Variants in FHOD3 observed in about 807,000 individuals in gnomAD.
The protein encoded by FHOD3 is FH1/FH2 domain-containing protein 3.
In FHOD3, 90 loss-of-function variants were observed where a neutral mutation model predicts 173.0. The ratio of observed to expected loss-of-function variants is 0.52; its 90% CI spans 0.44 to 0.62. FHOD3 has a LOEUF of 0.62. FHOD3 is among the 20% of genes least tolerant of loss of function. FHOD3 has a pLI of 0.00. For synonymous variants in FHOD3, 828 were observed against 823.0 expected, an observed-to-expected ratio of 1.01 and a Z score of -0.10; for missense variants, 1,945 against 2,034.7, an observed-to-expected ratio of 0.96 and a Z score of 0.85.
intron 15 of FHOD3, 54 bp downstream of exon 15, chr18:36,681,624 G>A (rs1164626344): frequency 3.2e-6 from 5 of 1,561,690 alleles, no homozygotes; most frequent in Non-Finnish European, 3.5e-6. Flanking sequence ...TTAAAGGCAT[G>A]TGACTTTACA....
intron 5 of FHOD3, among the ~76,000 whole-genome samples, chr18:36,518,586 A>G (rs921209594): frequency 6.6e-6 from 1 of 152,108 alleles, no homozygotes; most frequent in African/African-American, 2.4e-5. Flanking sequence ...GCTGAATGGA[A>G]CCTGCAGGTG....
At chr18:36,324,855 A>T (rs2044586610) in intron 1 of FHOD3, among the ~76,000 whole-genome samples, 1 of 152,226 alleles carries the variant, frequency 6.6e-6, no homozygotes, top group Admixed American at 6.5e-5. Context: ...ACCTTTGTAT[A>T]TATATGTGCC....
At chr18:36,427,810 G>A (rs57150908) in intron 3 of FHOD3, among the ~76,000 whole-genome samples, 5,505 of 152,268 alleles carry the variant, frequency 0.036, 344 homozygotes, top group African/African-American at 0.12. Flanking sequence ...ACAAAAATGT[G>A]ATACATGGGT....
chr18:36,622,335 T>TTC (rs2033779357), intron 9 of FHOD3, among the ~76,000 whole-genome samples: 2 of 152,230 alleles, frequency 1.3e-5, no homozygotes, highest in Non-Finnish European at 2.9e-5. Flanking sequence ...TCATGTTGAA[T>TTC]ATTTTTACTA....
chr18:36,675,346 C>CT (rs908480590), intron 14 of FHOD3, among the ~76,000 whole-genome samples: 43 of 148,166 alleles, frequency 2.9e-4, no homozygotes, highest in African/African-American at 4.7e-4. Flanking sequence ...CAGTTGGCAT[C>CT]TTTTTTTTTT....
chr18:36,688,862 T>G (rs2038789037), intron 16 of FHOD3, among the ~76,000 whole-genome samples: 1 of 152,228 alleles, frequency 6.6e-6, no homozygotes. Flanking sequence ...ACTGCTCTTT[T>G]TTGTCCAAAC....
chr18:36,380,730 G>A (rs2047737958), intron 3 of FHOD3, among the ~76,000 whole-genome samples: 1 of 151,140 alleles, frequency 6.6e-6, no homozygotes, highest in Admixed American at 6.6e-5. Context: ...TACTTCAAAA[G>A]TTGTAAAATG....
intron 5 of FHOD3, among the ~76,000 whole-genome samples, chr18:36,571,313 A>G (rs2058444167): frequency 6.6e-6 from 1 of 152,230 alleles, no homozygotes; most frequent in South Asian, 2.1e-4. Context: ...GGCAAAAAAT[A>G]CCATCCCAAA....
At chr18:36,489,742 A>T (rs1019138653) in intron 3 of FHOD3, among the ~76,000 whole-genome samples, 6 of 152,244 alleles carry the variant, frequency 3.9e-5, no homozygotes, top group African/African-American at 1.4e-4. Flanking sequence ...ATGTAATTCA[A>T]ATATTTCAAC....
At chr18:36,662,283 C>T (rs2036862669) in intron 14 of FHOD3, among the ~76,000 whole-genome samples, 1 of 152,150 alleles carries the variant, frequency 6.6e-6, no homozygotes, top group Non-Finnish European at 1.5e-5. Context: ...TGAAGGTACC[C>T]TAAGACAGTC....
intron 1 of FHOD3, among the ~76,000 whole-genome samples, chr18:36,301,973 C>G (rs1041018639): frequency 1.3e-5 from 2 of 152,162 alleles, no homozygotes; most frequent in Non-Finnish European, 2.9e-5. Flanking sequence ...GAGAACCATC[C>G]TAGAGGGACA....
chr18:36,769,343 G>T lies in FHOD3; in HGVS notation c.4703G>T (p.Arg1568Leu). The T allele has an allele frequency of 1.2e-6, 2 of 1,614,158 alleles. No individual in the cohort carries two copies. The highest frequency in any genetic ancestry group is 1.7e-6 in the Non-Finnish European group (2 of 1,180,038). ...TDDAADEIMD[R>L]IVKSATQVPS... ...GATGCAGCTGATGAGATCATGGACC[G>T]CATCGTCAAGTCAGCCACCCAAGTG... The change falls in exon 28 of 29, where the codon CGC (arginine) becomes CTC (leucine). Residue 1568 changes from arginine to leucine, a missense_variant. Transcript: ENST00000590592.
intron 1 of FHOD3, among the ~76,000 whole-genome samples, chr18:36,344,971 G>C (rs371983407): frequency 6.6e-5 from 10 of 152,296 alleles, no homozygotes; most frequent in South Asian, 6.2e-4. Flanking sequence ...CCACTAGGAA[G>C]TATTTGTCTG....
In FHOD3 at chr18:36,297,821, C is replaced by A; in HGVS notation, c.-15C>A. The A allele has an allele frequency of 6.7e-7, 1 of 1,502,444 alleles. No homozygotes were observed. Among genetic ancestry groups the A allele is most frequent in the South Asian group, 1.3e-5 (1 of 79,742 alleles). The allele number at this position is 1,502,444 out of a possible 1,614,324, so 93.1% of individuals were successfully genotyped here. ...GCTAACCCCGGGGCCCGCGCCCCCG[C>A]GGCAGGGATGCATCATGGCCACGCT... On this transcript the variant is annotated 5_prime_UTR_variant, in exon 1 of 29. Transcript: ENST00000590592.
chr18:36,550,221 T>C (rs2057589852), intron 5 of FHOD3, among the ~76,000 whole-genome samples: 1 of 143,124 alleles, frequency 7.0e-6, no homozygotes, highest in South Asian at 2.2e-4. Flanking sequence ...TGTATATATA[T>C]ATATATAGGC....
At chr18:36,493,074 A>G (rs550827341) in intron 3 of FHOD3, among the ~76,000 whole-genome samples, 4 of 152,226 alleles carry the variant, frequency 2.6e-5, no homozygotes, top group Admixed American at 2.6e-4. Context: ...CACCTGTTCA[A>G]TGAAGATGTT....
chr18:36,304,684 C>G (rs1039888158), intron 1 of FHOD3, among the ~76,000 whole-genome samples: 6 of 152,090 alleles, frequency 3.9e-5, no homozygotes, highest in African/African-American at 1.4e-4. Flanking sequence ...TAGGCTCAAT[C>G]AATTCCCATG....
intron 3 of FHOD3, among the ~76,000 whole-genome samples, chr18:36,446,703 G>GC (rs2051499939): frequency 6.6e-6 from 1 of 152,122 alleles, no homozygotes; most frequent in Admixed American, 6.6e-5. Context: ...CGCAAACTTG[G>GC]CTCGTGTTCT....
chr18:36,719,389 G>A (rs2040634816), intron 19 of FHOD3, among the ~76,000 whole-genome samples: 1 of 150,138 alleles, frequency 6.7e-6, no homozygotes. Flanking sequence ...AAGTTATTGG[G>A]CACCAAAGGT....
Sources: allele counts gnomAD v4.1 joint callset (sites outside exome capture counted in the v4.1 genomes callset), GRCh38; gene constraint gnomAD v4.1.1; transcripts MANE v1.5; gene names NCBI Gene and HGNC (gene_info 2026-07-23, HGNC 2026-07-21).